NLGN1: variants seen among roughly 807,000 people sequenced by gnomAD.
NLGN1 encodes the protein neuroligin 1.
In NLGN1, 12 loss-of-function variants were observed where a neutral mutation model predicts 65.5. The observed-to-expected ratio is 0.18, with a 90% CI of 0.12 to 0.30. The LOEUF (loss-of-function observed/expected upper bound fraction) is 0.30, where lower values mean the gene tolerates loss of function less well. Ranked by LOEUF, NLGN1 falls within the 10% of genes least tolerant of loss-of-function variation. NLGN1 has a pLI of 1.00. For synonymous variants in NLGN1, 350 were observed against 359.5 expected (o/e 0.97, Z 0.30); for missense variants, 750 against 1,007.1 (o/e 0.74, Z 3.46).
At chr3:173,649,321 G>C (rs1380296011) in intron 3 of NLGN1, among the ~76,000 whole-genome samples, 1 of 151,960 alleles carries the variant, frequency 6.6e-6, no homozygotes, top group Non-Finnish European at 1.5e-5. Context: ...TGCAGTAATA[G>C]TTACATAGAC....
chr3:174,209,047 G>A (rs927970715), intron 4 of NLGN1, among the ~76,000 whole-genome samples: 2 of 151,896 alleles, frequency 1.3e-5, no homozygotes, highest in African/African-American at 2.4e-5. Context: ...TCAGCCTCCC[G>A]AGTAGCTGGG....
chr3:173,744,015 A>G (rs1287296960), intron 3 of NLGN1, among the ~76,000 whole-genome samples: 1 of 152,188 alleles, frequency 6.6e-6, no homozygotes, highest in Non-Finnish European at 1.5e-5. Context: ...AATTCAAAAT[A>G]ACTAGTTAGA....
At chr3:173,857,482 TTGAC>T (rs1285048576) in intron 4 of NLGN1, among the ~76,000 whole-genome samples, 7 of 152,084 alleles carry the variant, frequency 4.6e-5, no homozygotes, top group Non-Finnish European at 1.0e-4. Flanking sequence ...ATTTAACTGT[TTGAC>T]TGTTTTTCTG....
At chr3:174,008,677 G>T (rs1007985968) in intron 4 of NLGN1, among the ~76,000 whole-genome samples, 2 of 151,958 alleles carry the variant, frequency 1.3e-5, no homozygotes, top group South Asian at 2.1e-4. Context: ...TGTGGATTTT[G>T]GGAGAAGTGC....
intron 3 of NLGN1, among the ~76,000 whole-genome samples, chr3:173,764,476 C>G (rs1778456191): frequency 6.6e-6 from 1 of 152,106 alleles, no homozygotes; most frequent in South Asian, 2.1e-4. Flanking sequence ...CTTCACTTAT[C>G]TGAAGGTCTG....
intron 4 of NLGN1, among the ~76,000 whole-genome samples, chr3:174,044,553 G>C (rs1733092507): frequency 1.3e-5 from 2 of 152,154 alleles, no homozygotes; most frequent in Admixed American, 1.3e-4. Context: ...CTTTATTCCA[G>C]TTCTCAGTAA....
intron 4 of NLGN1, among the ~76,000 whole-genome samples, chr3:174,265,822 C>T (rs1309325228): frequency 1.4e-5 from 2 of 140,112 alleles, no homozygotes; most frequent in African/African-American, 2.7e-5. Flanking sequence ...TTTTATACAA[C>T]ATCTATATAT....
chr3:173,851,155 T>C (rs2150738213), intron 4 of NLGN1, among the ~76,000 whole-genome samples: 2 of 152,302 alleles, frequency 1.3e-5, no homozygotes, highest in African/African-American at 4.8e-5. Context: ...CATTACTTTT[T>C]TTGTCCATTT....
At chr3:174,011,802 G>A (rs189517575) in intron 4 of NLGN1, among the ~76,000 whole-genome samples, 12 of 152,066 alleles carry the variant, frequency 7.9e-5, no homozygotes, top group Non-Finnish European at 1.8e-4. Context: ...TCCAGACACT[G>A]GTCTAGGCGC....
intron 2 of NLGN1, among the ~76,000 whole-genome samples, chr3:173,553,096 TTCC>T (rs1422998282): frequency 6.6e-6 from 1 of 152,166 alleles, no homozygotes; most frequent in Non-Finnish European, 1.5e-5. Context: ...CACAAAGCTA[TTCC>T]TGACTTTGGA....
At chr3:174,272,727 A>AGAT (rs940537508) in intron 4 of NLGN1, among the ~76,000 whole-genome samples, 8 of 151,526 alleles carry the variant, frequency 5.3e-5, no homozygotes, top group African/African-American at 1.9e-4. Flanking sequence ...ATAGAAAGAT[A>AGAT]GATAGATGAT....
intron 4 of NLGN1, among the ~76,000 whole-genome samples, chr3:174,051,738 G>A (rs946752733): frequency 1.6e-4 from 24 of 152,162 alleles, no homozygotes; most frequent in African/African-American, 4.8e-4. Context: ...ACATTAGCTT[G>A]TGTGAGGAGT....
intron 1 of NLGN1, among the ~76,000 whole-genome samples, chr3:173,422,740 A>G (rs889035132): frequency 1.6e-4 from 24 of 152,118 alleles, no homozygotes; most frequent in African/African-American, 5.8e-4. Flanking sequence ...CACTTTTTAT[A>G]TACTTGTTTG....
intron 4 of NLGN1, among the ~76,000 whole-genome samples, chr3:174,163,802 A>G (rs1258891906): frequency 6.6e-6 from 1 of 152,102 alleles, no homozygotes; most frequent in Non-Finnish European, 1.5e-5. Context: ...CATGGCATAT[A>G]TGTACCATGT....
intron 2 of NLGN1, among the ~76,000 whole-genome samples, chr3:173,585,252 T>A (rs985426214): frequency 6.6e-6 from 1 of 152,152 alleles, no homozygotes; most frequent in African/African-American, 2.4e-5. Flanking sequence ...CTCCAAGCTC[T>A]CAACTTTGCA....
intron 3 of NLGN1, among the ~76,000 whole-genome samples, chr3:173,713,767 C>T (rs1560220044): frequency 6.6e-6 from 1 of 152,054 alleles, no homozygotes; most frequent in Non-Finnish European, 1.5e-5. Flanking sequence ...CCCATCTGTA[C>T]TCAACAAAGG....
chr3:173,862,796 G>A (rs1194883322), intron 4 of NLGN1, among the ~76,000 whole-genome samples: 1 of 151,888 alleles, frequency 6.6e-6, no homozygotes, highest in Non-Finnish European at 1.5e-5. Flanking sequence ...GATTTGGTTG[G>A]CAAGATATCT....
chr3:173,969,294 C>T (rs921986327), intron 4 of NLGN1, among the ~76,000 whole-genome samples: 23 of 152,002 alleles, frequency 1.5e-4, no homozygotes, highest in Non-Finnish European at 7.4e-5. Context: ...GAGTGAATGC[C>T]AGTTCATTTG....
intron 4 of NLGN1, among the ~76,000 whole-genome samples, chr3:174,169,263 A>C (rs935767659): frequency 1.3e-5 from 2 of 152,168 alleles, no homozygotes; most frequent in African/African-American, 4.8e-5. Flanking sequence ...GAGTTAGGCA[A>C]ACAAGTGTTC....
Sources: allele counts gnomAD v4.1 joint callset (sites outside exome capture counted in the v4.1 genomes callset), GRCh38; gene constraint gnomAD v4.1.1; transcripts MANE v1.5; gene names NCBI Gene and HGNC (gene_info 2026-07-23, HGNC 2026-07-21).